The following HPS4 variants were observed in gnomAD, a reference collection of about 807,000 sequenced individuals.
HPS4 encodes the protein HPS4 biogenesis of lysosomal organelles complex 3 subunit 2, also known as BLOC-3 complex member HPS4.
In HPS4, 44 loss-of-function variants were observed where a neutral mutation model predicts 70.3. The ratio of observed to expected loss-of-function variants is 0.63; its 90% confidence interval spans 0.49 to 0.80. The LOEUF (loss-of-function observed/expected upper bound fraction) is 0.80. Among genes scored for constraint, HPS4 ranks in the 30% least tolerant of loss-of-function variants. The pLI, the probability that HPS4 is intolerant of heterozygous loss-of-function variation, is 0.00. For synonymous variants in HPS4, 377 were observed against 355.9 expected, an observed-to-expected ratio of 1.06 and a Z score of -0.67; for missense variants, 873 against 884.4, an observed-to-expected ratio of 0.99 and a Z score of 0.16.
intron 8 of HPS4, chr22:26,468,108 G>A (rs149532235): frequency 0.05 from 8,998 of 179,838 alleles, 326 homozygotes; most frequent in Non-Finnish European, 0.079. Context: ...TCATCATGTT[G>A]GCCAGGCTGG....
At position 26,464,033 on chromosome 22, in the gene HPS4, C is replaced by T. The variant is rs765322078; in HGVS notation, c.1597G>A (p.Glu533Lys). ...DGISSRLTPA[E>K]SCMGLVRMNL... ...ATCCTCACGAGCCCCATGCAGGACTCTGCTGGTGTCAGCCTGGAGCTGATT... is the reference window on the plus strand; with the variant it reads ...ATCCTCACGAGCCCCATGCAGGACTTTGCTGGTGTCAGCCTGGAGCTGATT... The change falls in exon 11 of 14, where the codon GAG (glutamate) becomes AAG (lysine). Residue 533 changes from glutamate (E) to lysine (K), a missense_variant. Glu to Lys is a moderately conservative substitution (Grantham distance 56). Transcript: ENST00000398145. The T allele has an allele frequency of 6.2e-7, 1 of 1,614,290 alleles. No individual in the cohort carries two copies. Among genetic ancestry groups the T allele is most frequent in the South Asian group, 1.1e-5 (1 of 91,090 alleles).
chr22:26,468,446 G>C, intron 8 of HPS4, 105 bp downstream of exon 8: 1 of 995,530 alleles, frequency 1.0e-6, no homozygotes, highest in South Asian at 1.4e-5. Context: ...AAGACCAAGT[G>C]AAACAACTGC....
chr22:26,452,690 GC>G lies in HPS4; in HGVS notation c.*542del. Reference sequence around the variant, plus strand: ...TTCAACCAAGTGGTCTCCGTGTGCTGCCGCTTCCCTGCAGGAACGATCCGGA... The same window carrying G: ...TTCAACCAAGTGGTCTCCGTGTGCTGCGCTTCCCTGCAGGAACGATCCGGA... On this transcript the variant is annotated 3_prime_UTR_variant, in exon 14 of 14. Coordinates refer to ENST00000398145, the MANE Select transcript of HPS4 (RefSeq NM_022081.6). 4.1e-6 allele frequency: 1 copy of G among 243,792 alleles called. No individual in the cohort carries two copies. 15.1% of individuals were successfully genotyped at this position (243,792 alleles called of 1,614,324 possible).
In HPS4 at chr22:26,472,410, A is replaced by C; in HGVS notation, c.393T>G (p.Ser131=). Residue 131 remains serine, a synonymous_variant, in exon 6 of 14, where the codon TCT becomes TCG. Transcript: ENST00000398145. The part of the protein sequence containing the change: ...GPVSLAYENC[S]QEELSTEWDT... ...CCCACTCCGTGCTCAGTTCTTCCTG[A>C]GAACAGTTCTAAAACAGAAAGAGCC... The C allele has an allele frequency of 6.2e-7, 1 of 1,602,148 alleles. No individual in the cohort carries two copies. Among genetic ancestry groups the C allele is most frequent in the Non-Finnish European group, 8.6e-7 (1 of 1,169,044 alleles).
At chr22:26,460,146 T>G (rs975478849) in intron 11 of HPS4, among the ~76,000 whole-genome samples, 2 of 152,216 alleles carry the variant, frequency 1.3e-5, no homozygotes, top group African/African-American at 4.8e-5. Flanking sequence ...TAGTAGAGTG[T>G]CTGACTCCTA....
chr22:26,457,535 A>G (rs919164819), intron 13 of HPS4, among the ~76,000 whole-genome samples: 10 of 152,138 alleles, frequency 6.6e-5, no homozygotes, highest in Non-Finnish European at 1.3e-4. Flanking sequence ...TTAGAAAGAC[A>G]ACAATATTTC....
At chr22:26,480,714 C>T (rs937431814) in intron 2 of HPS4, among the ~76,000 whole-genome samples, 1 of 151,906 alleles carries the variant, frequency 6.6e-6, no homozygotes. Flanking sequence ...CTTAGGAGTT[C>T]GAGATTAGCC....
chr22:26,478,691 T>G (rs2090922789), intron 3 of HPS4, among the ~76,000 whole-genome samples: 2 of 152,188 alleles, frequency 1.3e-5, no homozygotes, highest in African/African-American at 4.8e-5. Flanking sequence ...ACTTATTTAT[T>G]TATTTTTTTT....
chr22:26,473,957 T>C (rs2090186209), intron 4 of HPS4, among the ~76,000 whole-genome samples: 1 of 152,212 alleles, frequency 6.6e-6, no homozygotes, highest in African/African-American at 2.4e-5. Flanking sequence ...TTTGCTTTGT[T>C]CCCAGATGTA....
downstream of HPS4, among the ~76,000 whole-genome samples, chr22:26,446,238 T>C (rs1173020626): frequency 6.6e-6 from 1 of 151,886 alleles, no homozygotes; most frequent in Non-Finnish European, 1.5e-5. Flanking sequence ...GCCAGACCAA[T>C]TACTATTTGT....
In HPS4 at chr22:26,468,400, TGAG is replaced by T. The variant is rs564077594; in HGVS notation, c.669+148_669+150del. 6.0e-4 allele frequency: 432 copies of T among 719,576 alleles called. 1 individual carries two copies. The African/African-American group carries it at 6.8e-3, about 11-fold the overall frequency. The allele number at this position is 719,576 out of a possible 1,614,324, so 44.6% of individuals were successfully genotyped here. A position where few individuals can be genotyped will look rare whatever the true frequency, so the allele number is the denominator to read the frequency against. On this transcript the variant is annotated intron_variant, in intron 8 of 13. Transcript: ENST00000398145. ...TCAGCCTCACCAATGGCTTCACTAC[TGAG>T]GAGAATGACATTGGAGGACTTGGGG...
In HPS4 at chr22:26,464,529, G is replaced by A. The variant is rs765478898; in HGVS notation, c.1101C>T (p.Leu367=). 4.3e-5 allele frequency: 69 copies of A among 1,614,052 alleles called. No homozygotes were observed. Among genetic ancestry groups the A allele is most frequent in the Non-Finnish European group, 1.1e-5 (13 of 1,180,040 alleles). The change falls in exon 11 of 14, where the codon CTC becomes CTT. Residue 367 remains leucine, a synonymous_variant. Transcript: ENST00000398145. ...GKELVFLQEE[L]DLSEIHIPEA... ...CTGGAATGTGGATTTCAGACAAGTC[G>A]AGTTCTTCTTGGAGAAAGACTAGTT...
intron 13 of HPS4, among the ~76,000 whole-genome samples, chr22:26,457,448 C>A (rs2086354776): frequency 6.6e-6 from 1 of 152,126 alleles, no homozygotes; most frequent in Non-Finnish European, 1.5e-5. Flanking sequence ...GAACCCTGAC[C>A]TCAAGTGATC....
At chr22:26,479,671 C>CCA (rs2091059039) in intron 2 of HPS4, 1 of 1,205,042 alleles carries the variant, frequency 8.3e-7, no homozygotes, top group Non-Finnish European at 1.0e-6. Context: ...AACTATACAA[C>CCA]CACATGGTCT....
Position 26,483,773 on chromosome 22 carries a change from G to C in HPS4, c.-578C>G, listed in dbSNP as rs1344299092. On this transcript the variant is annotated 5_prime_UTR_variant, in exon 1 of 14. Transcript: ENST00000398145. ...CGACTTCTGCCCCGTACCTGCGCGC[G>C]CGGCAGAGAGGCCTTAGGTCACGCG... 1 of 665,100 alleles carries C rather than the reference G, an allele frequency of 1.5e-6. No homozygotes were observed. Among genetic ancestry groups the C allele is most frequent in the Non-Finnish European group, 2.2e-6 (1 of 460,648 alleles). 41.2% of individuals were successfully genotyped at this position (665,100 alleles called of 1,614,324 possible). A position where few individuals can be genotyped will look rare whatever the true frequency, so the allele number is the denominator to read the frequency against.
At position 26,483,697 on chromosome 22, in the gene HPS4, C is replaced by T. The variant is rs1027617973; in HGVS notation, c.-502G>A. The T allele has an allele frequency of 1.0e-5, 4 of 400,932 alleles. No homozygotes were observed. The highest frequency in any genetic ancestry group is 1.8e-4 in the South Asian group (2 of 10,832). The allele number at this position is 400,932 out of a possible 1,614,324, so 24.8% of individuals were successfully genotyped here. A position where few individuals can be genotyped will look rare whatever the true frequency, so the allele number is the denominator to read the frequency against. ...ACCGGAGTAGCCAGGCATCCCAGTG[C>T]TCGGGGTTCGGGACTCTGGACCAGA... On this transcript the variant is annotated 5_prime_UTR_variant, in exon 1 of 14. Coordinates refer to ENST00000398145, the MANE Select transcript of HPS4 (RefSeq NM_022081.6).
At chr22:26,446,356 G>A (rs142226185), downstream of HPS4, among the ~76,000 whole-genome samples, 7 of 152,312 alleles carry the variant, frequency 4.6e-5, no homozygotes, top group East Asian at 3.9e-4. Context: ...TGGTGACAGC[G>A]ATTAAACTTG....
At chr22:26,479,226 T>C in intron 3 of HPS4, 39 bp downstream of exon 3, 1 of 1,610,148 alleles carries the variant, frequency 6.2e-7, no homozygotes, top group Non-Finnish European at 8.5e-7. Context: ...TTGGAGGCAC[T>C]GGGATCCTCA....
At chr22:26,472,616 T>A (rs953989695) in intron 5 of HPS4, among the ~76,000 whole-genome samples, 198 bp from the exon 6 acceptor site, 1 of 152,254 alleles carries the variant, frequency 6.6e-6, no homozygotes, top group Non-Finnish European at 1.5e-5. Context: ...TTTCTAAACA[T>A]CCCAGGGAGG....
Sources: allele counts gnomAD v4.1 joint callset (sites outside exome capture counted in the v4.1 genomes callset), GRCh38; gene constraint gnomAD v4.1.1; transcripts MANE v1.5; gene names NCBI Gene and HGNC (gene_info 2026-07-23, HGNC 2026-07-21).